Variants in COL9A1 observed in about 807,000 individuals in gnomAD.
The protein encoded by COL9A1 is collagen type IX alpha 1 chain, also known as collagen alpha-1(IX) chain.
In COL9A1, 104 loss-of-function variants were observed where a neutral mutation model predicts 142.6. The observed-to-expected ratio is 0.73, with a 90% CI of 0.62 to 0.86. The LOEUF (loss-of-function observed/expected upper bound fraction) is 0.86, where lower values mean the gene tolerates loss of function less well. Among genes scored for constraint, COL9A1 ranks in the 40% least tolerant of loss-of-function variants. The pLI is 0.00. For synonymous variants in COL9A1, 466 were observed against 396.0 expected (o/e 1.18, Z -2.10); for missense variants, 1,210 against 1,176.6 (o/e 1.03, Z -0.42).
intron 6 of COL9A1, 69 bp from the exon 7 acceptor site, chr6:70,282,987 C>T: frequency 5.0e-6 from 8 of 1,613,910 alleles, no homozygotes; most frequent in Non-Finnish European, 6.8e-6. Flanking sequence ...TTACTTGAGC[C>T]GCGCACAAGC....
chr6:70,287,203 C>T (rs367793294), intron 5 of COL9A1, among the ~76,000 whole-genome samples: 9 of 152,082 alleles, frequency 5.9e-5, no homozygotes, highest in African/African-American at 1.9e-4. Context: ...GTTACAACAA[C>T]AAGTCCCAAG....
At chr6:70,230,628 G>C (rs573956621) in intron 36 of COL9A1, among the ~76,000 whole-genome samples, 1 of 152,304 alleles carries the variant, frequency 6.6e-6, no homozygotes, top group South Asian at 2.1e-4. Context: ...TCATCTGCTA[G>C]AGCCAACCCA....
intron 33 of COL9A1, among the ~76,000 whole-genome samples, chr6:70,237,034 G>GCA (rs758875014): frequency 7.2e-5 from 11 of 152,124 alleles, no homozygotes; most frequent in Non-Finnish European, 1.2e-4. Context: ...TGTTGGTCAG[G>GCA]CTGGTCTCAA....
intron 5 of COL9A1, among the ~76,000 whole-genome samples, chr6:70,289,120 A>T (rs9455022): frequency 0.16 from 24,129 of 152,018 alleles, 2,692 homozygotes; most frequent in East Asian, 0.46. Context: ...CTTCATGATA[A>T]ACTGAGAGGT....
chr6:70,247,845 C>T (rs563017065), intron 28 of COL9A1, among the ~76,000 whole-genome samples: 5 of 152,158 alleles, frequency 3.3e-5, no homozygotes, highest in Admixed American at 2.6e-4. Flanking sequence ...ACATCAGCTT[C>T]ACAAATTATT....
intron 10 of COL9A1, chr6:70,279,954 A>G (rs1317814589): frequency 5.9e-6 from 4 of 672,748 alleles, no homozygotes; most frequent in Non-Finnish European, 1.1e-5. Flanking sequence ...ATGGTATGCT[A>G]AGAACAGACG....
chr6:70,274,936 A>G, intron 10 of COL9A1, 164 bp from the exon 11 acceptor site: 1 of 622,074 alleles, frequency 1.6e-6, no homozygotes, highest in South Asian at 2.0e-5. Context: ...TCAAAAGTAA[A>G]GATTAACAGA....
chr6:70,257,349 G>A (rs1771385219), intron 20 of COL9A1, among the ~76,000 whole-genome samples: 1 of 152,150 alleles, frequency 6.6e-6, no homozygotes, highest in Non-Finnish European at 1.5e-5. Context: ...GTGAGCCACT[G>A]CACCCAGCCC....
At position 70,240,728 on chromosome 6, in the gene COL9A1, G is replaced by T. The variant is rs1483676538; in HGVS notation, c.2040C>A (p.Ala680=). ...GEPGPKGEQG[A]SGEEGEAGER... ...CTCCTGCTTCACCTTCTTCACCAGA[G>T]GCACCCTAAAAATTAAGATAAAAGG... Residue 680 remains alanine, a synonymous_variant, in exon 32 of 38, where the codon GCC becomes GCA. Transcript: ENST00000357250. 2 of 1,612,046 alleles carry T rather than the reference G, an allele frequency of 1.2e-6. No homozygotes were observed. The highest frequency in any genetic ancestry group is 3.3e-5 in the Admixed American group (2 of 59,904).
chr6:70,255,351 G>A lies in COL9A1; in HGVS notation c.1543C>T (p.Pro515Ser), dbSNP rs1348693008. The A allele has an allele frequency of 2.5e-6, 4 of 1,614,136 alleles. No homozygotes were observed. The highest frequency in any genetic ancestry group is 1.7e-5 in the Admixed American group (1 of 60,026). Residue 515 changes from proline (P) to serine (S), a missense_variant, in exon 22 of 38, where the codon CCC (proline) becomes TCC (serine). By Grantham distance (74) the Pro-to-Ser change is moderately conservative. Transcript: ENST00000357250. ...GQRGPPGEAG[P>S]KGDRGAEGAR... ...TTTAAACTCACTCTATCTCCTTTGG[G>A]ACCTGCTTCTCCTGGAGGTCCTCGC...
At chr6:70,283,045 C>T (rs1562325875) in intron 6 of COL9A1, 127 bp from the exon 7 acceptor site, 1 of 1,591,928 alleles carries the variant, frequency 6.3e-7, no homozygotes, top group Non-Finnish European at 8.5e-7. Context: ...CCGCGCAGTC[C>T]AGGCCATGCC....
chr6:70,247,783 C>T (rs1348224431), intron 28 of COL9A1, among the ~76,000 whole-genome samples: 1 of 152,034 alleles, frequency 6.6e-6, no homozygotes, highest in Non-Finnish European at 1.5e-5. Flanking sequence ...TTTACATATG[C>T]CCTCATACAG....
Position 70,240,868 on chromosome 6 carries a change from C to T in COL9A1, c.2035-135G>A, listed in dbSNP as rs1322537027. 28 of 773,490 alleles carry T rather than the reference C, an allele frequency of 3.6e-5. No homozygotes were observed. In the East Asian group the frequency reaches 5.0e-4, roughly 14 times the overall value. 47.9% of individuals were successfully genotyped at this position (773,490 alleles called of 1,614,324 possible). On this transcript the variant is annotated intron_variant, in intron 31 of 37. Transcript: ENST00000357250. ...ATGCAGAAATACAAAATGCTCTCAG[C>T]GGCTTTCCAATCTAGCTGTCAGTGG...
At chr6:70,241,157 G>A (rs980900114) in intron 31 of COL9A1, among the ~76,000 whole-genome samples, 1 of 152,132 alleles carries the variant, frequency 6.6e-6, no homozygotes, top group Non-Finnish European at 1.5e-5. Flanking sequence ...CCAATTCCGT[G>A]AACCAGAGAC....
chr6:70,240,584 T>C (rs1770185416), intron 32 of COL9A1, 105 bp downstream of exon 32: 3 of 604,872 alleles, frequency 5.0e-6, no homozygotes, highest in Non-Finnish European at 8.5e-6. Context: ...TAAGAATATA[T>C]ATATATATAT....
At chr6:70,295,383 T>C (rs995484893) in intron 4 of COL9A1, among the ~76,000 whole-genome samples, 2 of 144,822 alleles carry the variant, frequency 1.4e-5, no homozygotes, top group African/African-American at 2.6e-5. Flanking sequence ...ACCTCCTGGG[T>C]TCAAGTGATT....
intron 28 of COL9A1, among the ~76,000 whole-genome samples, chr6:70,246,505 C>G (rs941685053): frequency 2.0e-5 from 3 of 152,136 alleles, no homozygotes; most frequent in African/African-American, 7.2e-5. Context: ...ATATATTGCA[C>G]TAGATGTCCT....
intron 6 of COL9A1, 37 bp from the exon 7 acceptor site, chr6:70,282,955 A>C (rs1163119011): frequency 6.8e-6 from 11 of 1,613,968 alleles, no homozygotes; most frequent in Non-Finnish European, 9.3e-6. Context: ...TGAGAAAAGC[A>C]CCCCTCAAAC....
At chr6:70,289,648 C>A (rs1029272095) in intron 5 of COL9A1, among the ~76,000 whole-genome samples, 73 of 152,150 alleles carry the variant, frequency 4.8e-4, no homozygotes, top group African/African-American at 1.6e-3. Context: ...GAAAATATTC[C>A]CATTTTTCTT....
Sources: gnomAD v4.1 joint callset for allele counts (sites outside exome capture counted in the v4.1 genomes callset) on GRCh38, gnomAD v4.1.1 for gene constraint, MANE v1.5 for transcripts, NCBI Gene and HGNC (gene_info 2026-07-23, HGNC 2026-07-21) for gene names.